The following RB1CC1 variants were observed in gnomAD, a reference collection of about 807,000 sequenced individuals.
The protein encoded by RB1CC1 is RB1-inducible coiled-coil protein 1.
A neutral mutation model predicts 177.5 loss-of-function variants in RB1CC1; 46 were observed. That is an observed-to-expected ratio of 0.26 (90% CI 0.20 to 0.33). RB1CC1 has a LOEUF of 0.33. Ranked by LOEUF, RB1CC1 falls within the 10% of genes least tolerant of loss-of-function variation. RB1CC1 has a pLI of 1.00. For synonymous variants in RB1CC1, 666 were observed against 613.6 expected (o/e 1.09, Z -1.26); for missense variants, 1,703 against 1,816.3 (o/e 0.94, Z 1.13).
intron 1 of RB1CC1, among the ~76,000 whole-genome samples, chr8:52,694,938 A>G (rs190487415): frequency 7.9e-5 from 12 of 152,356 alleles, no homozygotes; most frequent in Non-Finnish European, 1.5e-4. Flanking sequence ...GAAAATGACA[A>G]TAACAAGTGA....
chr8:52,671,064 G>GA (rs1291520874), intron 7 of RB1CC1, among the ~76,000 whole-genome samples: 1 of 152,006 alleles, frequency 6.6e-6, no homozygotes, highest in East Asian at 1.9e-4. Flanking sequence ...AAAATGGGGG[G>GA]AAAAACAATA....
chr8:52,654,159 T>G (rs1031590033), intron 15 of RB1CC1, among the ~76,000 whole-genome samples: 1 of 152,242 alleles, frequency 6.6e-6, no homozygotes, highest in Non-Finnish European at 1.5e-5. Context: ...CTATTTTAAG[T>G]GTCTTTATTT....
At chr8:52,693,336 AC>A (rs1196726717) in intron 1 of RB1CC1, among the ~76,000 whole-genome samples, 1 of 152,218 alleles carries the variant, frequency 6.6e-6, no homozygotes, top group African/African-American at 2.4e-5. Context: ...TGAACAGACA[AC>A]CTACGGGATG....
At chr8:52,678,371 C>A (rs35100727) in intron 5 of RB1CC1, among the ~76,000 whole-genome samples, 1 of 152,066 alleles carries the variant, frequency 6.6e-6, no homozygotes, top group African/African-American at 2.4e-5. Flanking sequence ...GAGCCAAGAT[C>A]GCACAACTGA....
Sources: allele counts gnomAD v4.1 joint callset (sites outside exome capture counted in the v4.1 genomes callset), GRCh38; gene constraint gnomAD v4.1.1; transcripts MANE v1.5; gene names NCBI Gene and HGNC (gene_info 2026-07-23, HGNC 2026-07-21).